DIAPH2: variants seen among roughly 807,000 people sequenced by gnomAD.
DIAPH2 encodes the protein diaphanous related formin 2.
A neutral mutation model predicts 92.7 loss-of-function variants in DIAPH2; 35 were observed. That is an observed-to-expected ratio of 0.38 (90% CI 0.29 to 0.50). The LOEUF (loss-of-function observed/expected upper bound fraction) is 0.50. Ranked by LOEUF, DIAPH2 falls within the 20% of genes least tolerant of loss-of-function variation. The pLI is 0.94. For synonymous variants in DIAPH2, 301 were observed against 280.4 expected (o/e 1.07, Z -0.73); for missense variants, 701 against 819.5 (o/e 0.86, Z 1.77).
At chrX:97,491,130 C>T (rs1273847389) in intron 26 of DIAPH2, among the ~76,000 whole-genome samples, 3 of 111,482 alleles carry the variant, frequency 2.7e-5, no homozygotes, top group Non-Finnish European at 5.6e-5. Context: ...TTATATCTTC[C>T]TGATGAATTG....
chrX:96,717,122 A>G (rs2063954413), intron 1 of DIAPH2, among the ~76,000 whole-genome samples: 1 of 111,553 alleles, frequency 9.0e-6, no homozygotes, highest in Non-Finnish European at 1.9e-5. Flanking sequence ...TTATTTTCCA[A>G]TTATTTGGGG....
intron 25 of DIAPH2, among the ~76,000 whole-genome samples, chrX:97,408,045 C>T (rs927876294): frequency 9.0e-6 from 1 of 111,574 alleles, no homozygotes; most frequent in Non-Finnish European, 1.9e-5. Context: ...AATTATATCT[C>T]TGAGGTATTG....
chrX:97,030,368 A>G (rs1042013924), intron 17 of DIAPH2, among the ~76,000 whole-genome samples: 1 of 111,932 alleles, frequency 8.9e-6, no homozygotes, highest in African/African-American at 3.2e-5. Flanking sequence ...ATATTTTGGC[A>G]AAAATTATAA....
At position 96,962,488 on chromosome X, in the gene DIAPH2, CACACACACAT is replaced by C. The variant is rs796961911; in HGVS notation, c.1936-2603_1936-2594del. On this transcript the variant is annotated intron_variant, in intron 16 of 26. Coordinates refer to ENST00000324765, the MANE Select transcript of DIAPH2 (RefSeq NM_006729.5). ...ATATACATATATATATACACACACACACACACACATATATATATATATATATATATATATA... is the reference window on the plus strand; with the variant it reads ...ATATACATATATATATACACACACACATATATATATATATATATATATATA... Among the ~76,000 whole-genome samples, 69 of 27,032 alleles carry C rather than the reference CACACACACAT, an allele frequency of 2.6e-3. 1 individual carries two copies. The South Asian group carries it at 0.085, about 33-fold the overall frequency. The allele number at this position is 27,032 out of a possible 115,157, so 23.5% of individuals were successfully genotyped here.
At position 97,602,279 on chromosome X, in the gene DIAPH2, G is replaced by A. The variant is rs1378149107; in HGVS notation, c.*2962G>A. On this transcript the variant is annotated 3_prime_UTR_variant, in exon 27 of 27. Coordinates refer to ENST00000324765, the MANE Select transcript of DIAPH2 (RefSeq NM_006729.5). ...TCTCAACCCATTATATCAATCCTAA[G>A]TCCAAAATTTCATTCAAATATCATC... 2.7e-5 allele frequency: 3 copies of A among 111,995 alleles called. No homozygotes were observed. The highest frequency in any genetic ancestry group is 5.6e-5 in the Non-Finnish European group (3 of 53,243). 9.2% of individuals were successfully genotyped at this position (111,995 alleles called of 1,213,427 possible).
intron 19 of DIAPH2, among the ~76,000 whole-genome samples, chrX:97,084,454 A>T (rs2066769165): frequency 9.0e-6 from 1 of 111,101 alleles, no homozygotes; most frequent in African/African-American, 3.3e-5. Context: ...GTCAGCCCTC[A>T]GTTTTCTATG....
chrX:96,888,668 GAT>G (rs202137096), intron 5 of DIAPH2, among the ~76,000 whole-genome samples: 45 of 98,484 alleles, frequency 4.6e-4, no homozygotes, highest in African/African-American at 1.6e-3. Context: ...TGTATATACA[GAT>G]ATATATATAT....
At chrX:97,351,619 C>T (rs1038053630) in intron 24 of DIAPH2, among the ~76,000 whole-genome samples, 1 of 110,228 alleles carries the variant, frequency 9.1e-6, no homozygotes, top group Admixed American at 9.7e-5. Flanking sequence ...ATCGAGACCA[C>T]GGTGAAACCC....
intron 24 of DIAPH2, among the ~76,000 whole-genome samples, chrX:97,361,546 A>G (rs1473716491): frequency 8.9e-6 from 1 of 112,360 alleles, no homozygotes; most frequent in Non-Finnish European, 1.9e-5. Context: ...CATAACTAAA[A>G]TTAGCTTAAG....
intron 4 of DIAPH2, among the ~76,000 whole-genome samples, chrX:96,791,647 T>C (rs987154364): frequency 9.1e-6 from 1 of 110,325 alleles, no homozygotes; most frequent in African/African-American, 3.3e-5. Flanking sequence ...TGCAGTTCTT[T>C]GGCTAGCTGG....
At chrX:97,187,658 C>T (rs1413505658) in intron 22 of DIAPH2, among the ~76,000 whole-genome samples, 1 of 109,854 alleles carries the variant, frequency 9.1e-6, no homozygotes, top group Non-Finnish European at 1.9e-5. Context: ...ATAGACAGTT[C>T]GCTGGTAAAA....
intron 22 of DIAPH2, among the ~76,000 whole-genome samples, chrX:97,175,318 T>C (rs1469280089): frequency 8.9e-6 from 1 of 111,923 alleles, no homozygotes; most frequent in Non-Finnish European, 1.9e-5. Context: ...TGTCATCTGA[T>C]ATCAGCACTT....
intron 12 of DIAPH2, among the ~76,000 whole-genome samples, chrX:96,941,507 T>C (rs1815100560): frequency 9.0e-6 from 1 of 111,621 alleles, no homozygotes; most frequent in African/African-American, 3.3e-5. Context: ...GATCCTTGGA[T>C]AGTCTTGTAA....
At chrX:97,322,187 A>T (rs1265489262) in intron 23 of DIAPH2, among the ~76,000 whole-genome samples, 4 of 112,518 alleles carry the variant, frequency 3.6e-5, no homozygotes, top group Non-Finnish European at 5.6e-5. Flanking sequence ...ACCCCTTTGA[A>T]GACAATAAAG....
intron 24 of DIAPH2, among the ~76,000 whole-genome samples, chrX:97,360,514 C>T (rs1853368242): frequency 9.1e-6 from 1 of 109,637 alleles, no homozygotes; most frequent in African/African-American, 3.3e-5. Context: ...ATCCCAGCTA[C>T]TTGGGAGGCT....
At chrX:96,895,152 C>T (rs1454113215) in intron 5 of DIAPH2, among the ~76,000 whole-genome samples, 4 of 109,396 alleles carry the variant, frequency 3.7e-5, no homozygotes, top group South Asian at 4.0e-4. Flanking sequence ...TACTGGCGTG[C>T]GCCACCACAC....
At chrX:97,582,469 T>A (rs758687886) in intron 26 of DIAPH2, among the ~76,000 whole-genome samples, 84 of 109,698 alleles carry the variant, frequency 7.7e-4, no homozygotes, top group African/African-American at 2.7e-3. Context: ...GGTTGAAAAT[T>A]CTTTTCTTTC....
intron 26 of DIAPH2, among the ~76,000 whole-genome samples, chrX:97,596,997 C>T (rs184557015): frequency 8.6e-4 from 96 of 111,602 alleles, no homozygotes; most frequent in Admixed American, 4.3e-3. Flanking sequence ...AACATAAATA[C>T]AGAGAGTTGG....
chrX:96,893,736 T>TCTC lies in DIAPH2; in HGVS notation c.587+12020_587+12021insCCT, dbSNP rs2065323090. Among the ~76,000 whole-genome samples the TCTC allele has an allele frequency of 3.6e-5, 4 of 112,366 alleles. No individual in the cohort carries two copies. The Admixed American group carries it at 3.8e-4, about 11-fold the overall frequency. Reference sequence around the variant, plus strand: ...CCCCTGAGGCTCTCCCCTTGGACTGTCTATCATCTCAGCTGGACTTTTGAT... The same window carrying TCTC: ...CCCCTGAGGCTCTCCCCTTGGACTGTCTCCTATCATCTCAGCTGGACTTTTGAT... On this transcript the variant is annotated intron_variant, in intron 5 of 26. Transcript: ENST00000324765.
Sources: gnomAD v4.1 joint callset for allele counts (sites outside exome capture counted in the v4.1 genomes callset) on GRCh38, gnomAD v4.1.1 for gene constraint, MANE v1.5 for transcripts, NCBI Gene and HGNC (gene_info 2026-07-23, HGNC 2026-07-21) for gene names.